Variants in BCAS3 observed in about 807,000 individuals in gnomAD.
BCAS3 encodes BCAS3 microtubule associated cell migration factor.
A neutral mutation model predicts 116.1 loss-of-function variants in BCAS3; 53 were observed. The observed-to-expected ratio is 0.46, with a 90% CI of 0.37 to 0.57. BCAS3 has a LOEUF of 0.57. Among genes scored for constraint, BCAS3 ranks in the 20% least tolerant of loss-of-function variants. The pLI is 0.00. For missense variants in BCAS3, 917 were observed against 1,165.4 expected (o/e 0.79, Z 3.10); for synonymous variants, 391 against 408.2 (o/e 0.96, Z 0.51).
At chr17:60,908,514 A>G (rs1020180384) in intron 11 of BCAS3, among the ~76,000 whole-genome samples, 1 of 152,190 alleles carries the variant, frequency 6.6e-6, no homozygotes, top group Non-Finnish European at 1.5e-5. Context: ...AAGGCATCTC[A>G]GAGGTTAATC....
chr17:60,789,113 G>A (rs979928134), intron 6 of BCAS3, among the ~76,000 whole-genome samples: 1 of 152,118 alleles, frequency 6.6e-6, no homozygotes, highest in Non-Finnish European at 1.5e-5. Context: ...ATTTTTCTCA[G>A]TGAAAATTGA....
intron 22 of BCAS3, among the ~76,000 whole-genome samples, chr17:61,284,912 C>T (rs1282920026): frequency 6.6e-6 from 1 of 152,174 alleles, no homozygotes; most frequent in Non-Finnish European, 1.5e-5. Flanking sequence ...AGAAGCTTCC[C>T]CAGCACCTAG....
chr17:61,038,489 G>A (rs1203384932), intron 18 of BCAS3, among the ~76,000 whole-genome samples: 8 of 151,554 alleles, frequency 5.3e-5, no homozygotes, highest in Non-Finnish European at 1.0e-4. Context: ...TCCTGACCTC[G>A]TGATCTGCCC....
chr17:60,802,188 G>A (rs1225168979), intron 6 of BCAS3, among the ~76,000 whole-genome samples: 3 of 151,122 alleles, frequency 2.0e-5, no homozygotes, highest in Non-Finnish European at 4.4e-5. Flanking sequence ...GGAGGCTGAG[G>A]CAGGAGAATT....
intron 1 of BCAS3, 81 bp from the exon 2 acceptor site, chr17:60,679,372 G>C (rs2032614346): frequency 9.9e-7 from 1 of 1,014,234 alleles, no homozygotes; most frequent in Non-Finnish European, 1.5e-6. Context: ...TCTCTAGTGA[G>C]TAATCATAAA....
In BCAS3 at chr17:60,769,602, G is replaced by A. The variant is rs1035689623; in HGVS notation, c.403+22323G>A. On this transcript the variant is annotated intron_variant, in intron 6 of 23. Transcript: ENST00000407086. ...GGCCCCCCTCAGTAGGAGCAGCTAG[G>A]CAGGTGGTTGTGGGGAATGCAGTTT... Among the ~76,000 whole-genome samples, 3 of 152,208 alleles carry A rather than the reference G, an allele frequency of 2.0e-5. No homozygotes were observed. The East Asian group carries it at 5.8e-4, about 30-fold the overall frequency.
chr17:60,770,030 C>T (rs1168305241), intron 6 of BCAS3, among the ~76,000 whole-genome samples: 1 of 152,110 alleles, frequency 6.6e-6, no homozygotes, highest in Non-Finnish European at 1.5e-5. Context: ...ACCTCGGCCT[C>T]CCAAAGTGCT....
At chr17:60,800,014 C>T (rs535233680) in intron 6 of BCAS3, among the ~76,000 whole-genome samples, 62 of 152,180 alleles carry the variant, frequency 4.1e-4, no homozygotes, top group African/African-American at 1.4e-3. Context: ...GATTTTGACT[C>T]TTACATCTAA....
intron 22 of BCAS3, among the ~76,000 whole-genome samples, chr17:61,120,520 C>T (rs904488766): frequency 6.6e-6 from 1 of 151,992 alleles, no homozygotes. Flanking sequence ...TATTATGAAA[C>T]ATTTCAAATA....
At chr17:60,739,126 G>A (rs2041271406) in intron 5 of BCAS3, among the ~76,000 whole-genome samples, 1 of 151,836 alleles carries the variant, frequency 6.6e-6, no homozygotes, top group East Asian at 1.9e-4. Flanking sequence ...CTGCTTCATG[G>A]GTAGTGCAAT....
chr17:61,151,793 T>G lies in BCAS3; in HGVS notation c.2425+67229T>G, dbSNP rs558052196. Reference sequence around the variant, plus strand: ...TTTTGAATGACTGTTGTATGCCAGGTGCTCTTGGCAAGGTCTCTGGATACA... The same window carrying G: ...TTTTGAATGACTGTTGTATGCCAGGGGCTCTTGGCAAGGTCTCTGGATACA... On this transcript the variant is annotated intron_variant, in intron 22 of 23. Transcript: ENST00000407086. This position sits in a 1 kb window ranked among gnomAD's most constrained non-coding sequence, Gnocchi z 4.8. Among the ~76,000 whole-genome samples, 4 of 152,320 alleles carry G rather than the reference T, an allele frequency of 2.6e-5. No homozygotes were observed. The South Asian group carries it at 8.3e-4, about 32-fold the overall frequency.
intron 22 of BCAS3, among the ~76,000 whole-genome samples, chr17:61,329,340 A>AT (rs199612323): frequency 0.1 from 11,391 of 108,836 alleles, 561 homozygotes; most frequent in South Asian, 0.15. Flanking sequence ...TATTATTATT[A>AT]TTATTTTTTT....
chr17:60,843,364 A>C (rs1051733773), intron 7 of BCAS3, among the ~76,000 whole-genome samples: 4 of 151,412 alleles, frequency 2.6e-5, no homozygotes, highest in African/African-American at 9.7e-5. Flanking sequence ...TTACAGGCAC[A>C]CACCACCACG....
chr17:61,230,864 C>T (rs548184284), intron 22 of BCAS3, among the ~76,000 whole-genome samples: 7 of 151,966 alleles, frequency 4.6e-5, no homozygotes, highest in African/African-American at 1.4e-4. Context: ...TTTGAGAACT[C>T]TCCGAACTGC....
At chr17:60,711,927 C>A (rs1281073358) in intron 5 of BCAS3, among the ~76,000 whole-genome samples, 1 of 151,818 alleles carries the variant, frequency 6.6e-6, no homozygotes, top group Admixed American at 6.6e-5. Flanking sequence ...TTTGGGAGGC[C>A]AAGGCAGGCA....
At chr17:61,108,602 T>TG (rs1254667014) in intron 22 of BCAS3, among the ~76,000 whole-genome samples, 1 of 53,540 alleles carries the variant, frequency 1.9e-5, no homozygotes, top group African/African-American at 5.1e-5. Flanking sequence ...TTGTCTATAG[T>TG]GGTTTTTTTT....
At chr17:61,062,527 T>C (rs1448441331) in intron 19 of BCAS3, among the ~76,000 whole-genome samples, 1 of 152,216 alleles carries the variant, frequency 6.6e-6, no homozygotes, top group Non-Finnish European at 1.5e-5. Context: ...TACAGTGCAG[T>C]TGTACTATCA....
intron 5 of BCAS3, 78 bp downstream of exon 5, chr17:60,709,403 T>C (rs1393176000): frequency 2.1e-6 from 2 of 932,002 alleles, no homozygotes; most frequent in Non-Finnish European, 3.4e-6. Context: ...GATACTTTTT[T>C]TTTTTGAGAC....
chr17:61,026,170 A>G lies in BCAS3; in HGVS notation c.1638-8496A>G, dbSNP rs1236472527. 2.0e-5 allele frequency among the ~76,000 whole-genome samples: 3 copies of G among 152,082 alleles called. No individual in the cohort carries two copies. The highest frequency in any genetic ancestry group is 4.4e-5 in the Non-Finnish European group (3 of 67,960). On this transcript the variant is annotated intron_variant, in intron 16 of 23. Coordinates refer to ENST00000407086, the MANE Select transcript of BCAS3 (RefSeq NM_017679.5). This position sits in a 1 kb window ranked among gnomAD's most constrained non-coding sequence, Gnocchi z 5.0. ...AAGTCCCAGTTTCCCAGTTGTATTT[A>G]AAACAAGTGATTGTAGCTTTAGTTT...
Sources: gnomAD v4.1 joint callset for allele counts (sites outside exome capture counted in the v4.1 genomes callset) on GRCh38, gnomAD v4.1.1 for gene constraint, Gnocchi (gnomAD v3.1) non-coding constraint, MANE v1.5 for transcripts, NCBI Gene and HGNC (gene_info 2026-07-23, HGNC 2026-07-21) for gene names.